TRPS1: variants seen among roughly 807,000 people sequenced by gnomAD.
TRPS1 encodes transcriptional repressor GATA binding 1, also known as zinc finger transcription factor Trps1.
Under a neutral mutation model 101.2 loss-of-function variants are expected in TRPS1, and 6 were observed. The observed-to-expected ratio is 0.06, with a 90% CI of 0.03 to 0.12. The LOEUF (loss-of-function observed/expected upper bound fraction) is 0.12, where lower values mean the gene tolerates loss of function less well. Among genes scored for constraint, TRPS1 ranks in the 10% least tolerant of loss-of-function variants. The pLI, the probability that TRPS1 is intolerant of heterozygous loss-of-function variation, is 1.00. For missense variants in TRPS1, 1,363 were observed against 1,567.0 expected, an observed-to-expected ratio of 0.87 and a Z score of 2.20; for synonymous variants, 578 against 589.8, an observed-to-expected ratio of 0.98 and a Z score of 0.29.
intron 5 of TRPS1, among the ~76,000 whole-genome samples, chr8:115,522,758 C>T (rs957306898): frequency 1.3e-5 from 2 of 152,010 alleles, no homozygotes; most frequent in Non-Finnish European, 2.9e-5. Flanking sequence ...TAAAATAATA[C>T]ATTGGTCTTA....
intron 5 of TRPS1, among the ~76,000 whole-genome samples, chr8:115,535,577 A>G (rs1816297138): frequency 6.7e-6 from 1 of 150,126 alleles, no homozygotes; most frequent in Admixed American, 6.7e-5. Context: ...TTAGTATTTC[A>G]CAGGCTGGGT....
intron 1 of TRPS1, among the ~76,000 whole-genome samples, chr8:115,650,960 A>C (rs1811546623): frequency 6.6e-6 from 1 of 152,144 alleles, no homozygotes; most frequent in African/African-American, 2.4e-5. Context: ...GCCCACTTAC[A>C]AGTAACTTTC....
At chr8:115,415,138 A>G (rs1812888152) in intron 6 of TRPS1, 54 bp from the exon 7 acceptor site, 1 of 1,532,602 alleles carries the variant, frequency 6.5e-7, no homozygotes, top group Non-Finnish European at 8.8e-7. Context: ...ATACATTAAA[A>G]TGCATTAAAA....
chr8:115,414,592 G>T lies in TRPS1; in HGVS notation c.3316C>A (p.Pro1106Thr). 6.2e-7 allele frequency: 1 copy of T among 1,613,884 alleles called. No homozygotes were observed. The highest frequency in any genetic ancestry group is 8.5e-7 in the Non-Finnish European group (1 of 1,179,928). Residue 1106 changes from proline (P) to threonine (T), a missense_variant, in exon 7 of 7, where the codon CCA becomes ACA. Transcript: ENST00000395715. The surrounding 1 kb of genome is among the most constrained non-coding windows in gnomAD (Gnocchi z 4.8). Reference sequence around the variant, plus strand: ...TGTACAAAGGGAAGTCCAAAAAGTGGGTACTGGTACTTTTCAATAGGGCTG... The same window carrying T: ...TGTACAAAGGGAAGTCCAAAAAGTGTGTACTGGTACTTTTCAATAGGGCTG... Reference protein sequence around the residue: ...PGSPIEKYQYPLFGLPFVHND... With the variant: ...PGSPIEKYQYTLFGLPFVHND...
chr8:115,646,908 CAT>C (rs1281879991), intron 1 of TRPS1, among the ~76,000 whole-genome samples: 2 of 152,116 alleles, frequency 1.3e-5, no homozygotes, highest in African/African-American at 2.4e-5. Context: ...GAAATCAACT[CAT>C]GTTATCAACT....
At chr8:115,441,489 G>A (rs983031477) in intron 5 of TRPS1, among the ~76,000 whole-genome samples, 1 of 152,114 alleles carries the variant, frequency 6.6e-6, no homozygotes, top group Non-Finnish European at 1.5e-5. Context: ...AGACAAGATC[G>A]GGAAGAGTAG....
intron 2 of TRPS1, among the ~76,000 whole-genome samples, chr8:115,620,313 A>T (rs1818366371): frequency 6.6e-6 from 1 of 152,012 alleles, no homozygotes; most frequent in Non-Finnish European, 1.5e-5. Flanking sequence ...ATAATGAAGG[A>T]TTTATTTTTA....
rs116676100 is a variant in TRPS1 at position 115,629,549 on chromosome 8, C to T, written c.-121-5791G>A. On this transcript the variant is annotated intron_variant, in intron 1 of 6. Coordinates refer to ENST00000395715, the MANE Select transcript of TRPS1 (RefSeq NM_014112.5). ...AGCTCTATTTTTTCAACTATTGTTGCTAATGCTGTCCAGCTACCGTGATCA... is the reference window on the plus strand; with the variant it reads ...AGCTCTATTTTTTCAACTATTGTTGTTAATGCTGTCCAGCTACCGTGATCA... Among the ~76,000 whole-genome samples the T allele has an allele frequency of 4.3e-3, 659 of 151,950 alleles. 5 individuals carry two copies. The highest frequency in any genetic ancestry group is 0.015 in the African/African-American group (626 of 41,522).
intron 5 of TRPS1, among the ~76,000 whole-genome samples, chr8:115,546,687 C>A (rs1816582077): frequency 1.3e-5 from 2 of 151,588 alleles, no homozygotes; most frequent in East Asian, 1.9e-4. Context: ...TTTTAAAAAT[C>A]TTTTCAAAAT....
intron 3 of TRPS1, among the ~76,000 whole-genome samples, chr8:115,607,232 A>T (rs748781402): frequency 1.7e-4 from 26 of 152,264 alleles, no homozygotes; most frequent in South Asian, 4.1e-4. Flanking sequence ...CCAACATACT[A>T]AAAAGGTTGT....
chr8:115,650,946 T>C (rs1227454547), intron 1 of TRPS1, among the ~76,000 whole-genome samples: 6 of 152,180 alleles, frequency 3.9e-5, no homozygotes, highest in Admixed American at 2.0e-4. Context: ...CATGCAAGCA[T>C]TGGGCCCACT....
chr8:115,609,191 A>C (rs1818107246), intron 3 of TRPS1, among the ~76,000 whole-genome samples: 1 of 152,184 alleles, frequency 6.6e-6, no homozygotes, highest in South Asian at 2.1e-4. Context: ...CATATTAGAT[A>C]GCACACTCAA....
At chr8:115,596,527 G>C (rs917395978) in intron 4 of TRPS1, among the ~76,000 whole-genome samples, 1 of 151,780 alleles carries the variant, frequency 6.6e-6, no homozygotes, top group African/African-American at 2.4e-5. Context: ...TTACATAACT[G>C]AATCGAGATC....
chr8:115,631,152 T>C (rs993031378), intron 1 of TRPS1, among the ~76,000 whole-genome samples: 6 of 152,068 alleles, frequency 3.9e-5, no homozygotes, highest in Non-Finnish European at 8.8e-5. Flanking sequence ...TCTACAATTT[T>C]CACAAGCAAA....
At chr8:115,577,060 T>C (rs984798986) in intron 5 of TRPS1, among the ~76,000 whole-genome samples, 1 of 152,188 alleles carries the variant, frequency 6.6e-6, no homozygotes, top group African/African-American at 2.4e-5. Flanking sequence ...TATGTGCATC[T>C]CCTAAAATAT....
chr8:115,577,384 T>G (rs1817343372), intron 5 of TRPS1, among the ~76,000 whole-genome samples: 1 of 152,128 alleles, frequency 6.6e-6, no homozygotes, highest in African/African-American at 2.4e-5. Flanking sequence ...ATCTGTATTT[T>G]TAGCATATAG....
At chr8:115,610,536 A>T (rs1818138427) in intron 3 of TRPS1, among the ~76,000 whole-genome samples, 2 of 152,202 alleles carry the variant, frequency 1.3e-5, no homozygotes, top group African/African-American at 4.8e-5. Context: ...GTTTATTCCT[A>T]TCAGTGACAC....
rs550989399 is a variant in TRPS1, at chr8:115,432,260, T to C, written c.2701-13808A>G. On this transcript the variant is annotated intron_variant, in intron 5 of 6. Transcript: ENST00000395715. ...TAGGATTAAACGAAGAATTTATTTA[T>C]GCATAATTTTAAAACACGTGCAGTT... is the stretch of plus-strand genomic sequence containing the variant. Among the ~76,000 whole-genome samples, 3 of 151,906 alleles carry C rather than the reference T, an allele frequency of 2.0e-5. No homozygotes were observed. The East Asian group carries it at 5.8e-4, about 29-fold the overall frequency.
chr8:115,572,684 T>C (rs1311334635), intron 5 of TRPS1, among the ~76,000 whole-genome samples: 1 of 152,196 alleles, frequency 6.6e-6, no homozygotes, highest in Non-Finnish European at 1.5e-5. Context: ...TTGGAAGTCA[T>C]TCCAACTCCT....
Sources: allele counts gnomAD v4.1 joint callset (sites outside exome capture counted in the v4.1 genomes callset), GRCh38; gene constraint gnomAD v4.1.1; non-coding constraint Gnocchi (gnomAD v3.1); transcripts MANE v1.5; gene names NCBI Gene and HGNC (gene_info 2026-07-23, HGNC 2026-07-21).